The following NXPE4 variants were observed in gnomAD, a reference collection of about 807,000 sequenced individuals.
The protein encoded by NXPE4 is NXPE family member 4.
A neutral mutation model predicts 33.3 loss-of-function variants in NXPE4; 42 were observed. That is an observed-to-expected ratio of 1.26 (90% CI 0.98 to 1.63). NXPE4 has a LOEUF of 1.63. NXPE4 is among the 40% of genes most tolerant of loss of function. The probability of loss-of-function intolerance (pLI) is 0.00; values close to 1 mark genes in which losing one functional copy is unlikely to be tolerated. For synonymous variants in NXPE4, 253 were observed against 234.9 expected, an observed-to-expected ratio of 1.08 and a Z score of -0.71; for missense variants, 709 against 647.6, an observed-to-expected ratio of 1.09 and a Z score of -1.03.
chr11:114,583,374 T>A (rs1421527451), intron 2 of NXPE4: 2 of 623,340 alleles, frequency 3.2e-6, no homozygotes, highest in Non-Finnish European at 6.2e-6. Flanking sequence ...ACTCATAATT[T>A]GCTGCTCAAC....
At chr11:114,639,300 C>T in the NXPE4 span, among the ~76,000 whole-genome samples, 18 of 152,152 alleles carry the variant, frequency 1.2e-4, no homozygotes, top group East Asian at 2.9e-3. Context: ...CCTGGTGCAC[C>T]GTTCCTTAAG....
chr11:114,590,316 T>C (rs1949419841), intron 2 of NXPE4, among the ~76,000 whole-genome samples: 1 of 152,170 alleles, frequency 6.6e-6, no homozygotes, highest in Non-Finnish European at 1.5e-5. Flanking sequence ...CTTGGTAAAG[T>C]ACCTTGGTTT....
At chr11:114,633,732 G>A in the NXPE4 span, among the ~76,000 whole-genome samples, 3 of 151,182 alleles carry the variant, frequency 2.0e-5, no homozygotes, top group South Asian at 2.1e-4. Context: ...TTTTGTCCTT[G>A]CGATTGTTTA....
At chr11:114,584,404 A>G (rs1591342299) in intron 2 of NXPE4, 2 of 280,552 alleles carry the variant, frequency 7.1e-6, no homozygotes, top group East Asian at 1.2e-4. Flanking sequence ...AATGCAGGTG[A>G]TTCTGAGGAT....
At chr11:114,656,699 C>T in the NXPE4 span, among the ~76,000 whole-genome samples, 1 of 152,016 alleles carries the variant, frequency 6.6e-6, no homozygotes, top group Admixed American at 6.5e-5. Flanking sequence ...AATAGGCAAG[C>T]AGAGAGCCAA....
chr11:114,602,963 T>A, the NXPE4 span, among the ~76,000 whole-genome samples: 1 of 150,134 alleles, frequency 6.7e-6, no homozygotes, highest in East Asian at 2.0e-4. Flanking sequence ...TCATATACAA[T>A]TACAGAATCA....
upstream of NXPE4, among the ~76,000 whole-genome samples, chr11:114,596,896 A>G (rs1423330856): frequency 1.3e-5 from 2 of 152,212 alleles, no homozygotes; most frequent in Non-Finnish European, 2.9e-5. Context: ...GACTTAAAGA[A>G]CCAAGAGTAC....
At chr11:114,604,148 T>C in the NXPE4 span, among the ~76,000 whole-genome samples, 1 of 152,048 alleles carries the variant, frequency 6.6e-6, no homozygotes, top group African/African-American at 2.4e-5. Context: ...TGATACCTGC[T>C]GGAAAATAAG....
chr11:114,657,661 T>A, the NXPE4 span, among the ~76,000 whole-genome samples: 163 of 152,314 alleles, frequency 1.1e-3, no homozygotes, highest in African/African-American at 3.8e-3. Flanking sequence ...TTCTTTATAA[T>A]TTTTATATTT....
chr11:114,632,511 TTTATA>T, the NXPE4 span, among the ~76,000 whole-genome samples: 14 of 125,022 alleles, frequency 1.1e-4, no homozygotes, highest in Admixed American at 4.1e-4. Flanking sequence ...AGTATTTTAT[TTTATA>T]TTATATTTTG....
the NXPE4 span, among the ~76,000 whole-genome samples, chr11:114,606,288 TAA>T: frequency 4.6e-5 from 7 of 151,568 alleles, 1 homozygote; most frequent in African/African-American, 1.7e-4. Flanking sequence ...TGGTGGATAA[TAA>T]ATGTTGCCTC....
the NXPE4 span, among the ~76,000 whole-genome samples, chr11:114,662,943 C>T: frequency 1.2e-3 from 189 of 152,262 alleles, no homozygotes; most frequent in African/African-American, 4.3e-3. Context: ...ATGAGGCTTG[C>T]TCTCTATAAG....
At chr11:114,596,347 C>T (rs1949572364), upstream of NXPE4, among the ~76,000 whole-genome samples, 1 of 152,220 alleles carries the variant, frequency 6.6e-6, no homozygotes, top group Admixed American at 6.5e-5. Context: ...ACCCAGACAG[C>T]TGCACCAGTG....
At chr11:114,608,437 G>T in the NXPE4 span, among the ~76,000 whole-genome samples, 1 of 151,854 alleles carries the variant, frequency 6.6e-6, no homozygotes. Context: ...TGCCTCGCAG[G>T]AAAGCACTGT....
intron 5 of NXPE4, among the ~76,000 whole-genome samples, chr11:114,576,194 A>G (rs1368229932): frequency 2.0e-5 from 3 of 152,200 alleles, no homozygotes; most frequent in Admixed American, 2.0e-4. Context: ...TTATACAAAA[A>G]TCAACTCCAG....
rs766649951 is a variant in NXPE4, at chr11:114,571,011, C to T, written c.1562G>A (p.Gly521Asp). The T allele has an allele frequency of 9.3e-6, 15 of 1,613,160 alleles. No homozygotes were observed. The highest frequency in any genetic ancestry group is 2.2e-5 in the South Asian group (2 of 91,058). Residue 521 changes from glycine (G) to aspartate (D), a missense_variant, in exon 6 of 6, where the codon GGC becomes GAC. Transcript: ENST00000375478. ...TTGAGGTGGGTGTACATTATTTGTGCCATATGCAATTGTTATATCCCAGGC... is the reference window on the plus strand; with the variant it reads ...TTGAGGTGGGTGTACATTATTTGTGTCATATGCAATTGTTATATCCCAGGC... ...IDAWDITIAY[G>D]TNNVHPPQHV...
the NXPE4 span, among the ~76,000 whole-genome samples, chr11:114,608,262 C>G: frequency 6.6e-6 from 1 of 151,628 alleles, no homozygotes. Flanking sequence ...AAAGTTTTGC[C>G]TTGTGGGTAA....
At chr11:114,630,094 G>A in the NXPE4 span, among the ~76,000 whole-genome samples, 88 of 151,458 alleles carry the variant, frequency 5.8e-4, no homozygotes, top group Non-Finnish European at 4.7e-4. Context: ...TGGCCATACT[G>A]CCCAAGGTAA....
At chr11:114,667,232 T>A in the NXPE4 span, among the ~76,000 whole-genome samples, 6 of 152,158 alleles carry the variant, frequency 3.9e-5, no homozygotes, top group Non-Finnish European at 7.4e-5. Flanking sequence ...CTGAACTTTT[T>A]AAATTCATTC....
Sources: allele counts gnomAD v4.1 joint callset (sites outside exome capture counted in the v4.1 genomes callset), GRCh38; gene constraint gnomAD v4.1.1; transcripts MANE v1.5; gene names NCBI Gene and HGNC (gene_info 2026-07-23, HGNC 2026-07-21).